The following PCDH15 variants were observed in gnomAD, a reference collection of about 807,000 sequenced individuals.
PCDH15 encodes the protein protocadherin-15.
PCDH15 carries 129 observed loss-of-function variants against 178.5 expected under a neutral mutation model. The observed-to-expected ratio is 0.72, with a 90% CI of 0.63 to 0.84. The LOEUF is 0.84. PCDH15 is among the 40% of genes least tolerant of loss of function. The pLI is 0.00. For synonymous variants in PCDH15, 800 were observed against 732.0 expected (o/e 1.09, Z -1.50); for missense variants, 2,230 against 2,099.9 (o/e 1.06, Z -1.21).
At chr10:54,252,176 G>A (rs184120164) in intron 8 of PCDH15, among the ~76,000 whole-genome samples, 19 of 152,170 alleles carry the variant, frequency 1.2e-4, no homozygotes, top group Admixed American at 1.0e-3. Context: ...TCTTACACTA[G>A]TCTTGGCAAA....
At chr10:53,954,627 C>G (rs1434636113) in intron 23 of PCDH15, among the ~76,000 whole-genome samples, 2 of 152,110 alleles carry the variant, frequency 1.3e-5, no homozygotes, top group Non-Finnish European at 2.9e-5. Context: ...TCTCAGAAAA[C>G]TGGAGAAAGT....
chr10:54,323,763 A>G (rs1296041074), intron 7 of PCDH15, among the ~76,000 whole-genome samples: 2 of 151,640 alleles, frequency 1.3e-5, no homozygotes, highest in Non-Finnish European at 2.9e-5. Context: ...TACTATGCTG[A>G]CCACCTGAGT....
At chr10:54,634,433 ATT>A (rs1021180517) in intron 2 of PCDH15, among the ~76,000 whole-genome samples, 1 of 152,030 alleles carries the variant, frequency 6.6e-6, no homozygotes, top group Non-Finnish European at 1.5e-5. Flanking sequence ...ACTGAATAAT[ATT>A]TTATTCATTT....
intron 2 of PCDH15, chr10:54,605,766 C>T (rs1188150158): frequency 6.6e-6 from 1 of 152,178 alleles, no homozygotes; most frequent in African/African-American, 2.4e-5. Context: ...TTTGCAAGCT[C>T]ATTCAAACCA....
chr10:54,918,202 C>A (rs1210745663), intron 2 of PCDH15, among the ~76,000 whole-genome samples: 3 of 151,978 alleles, frequency 2.0e-5, no homozygotes, highest in Non-Finnish European at 4.4e-5. Context: ...ACTTTTCCAG[C>A]CTTTTCAACT....
At chr10:55,496,565 G>GTC (rs1840538933) in intron 2 of PCDH15, among the ~76,000 whole-genome samples, 1 of 151,780 alleles carries the variant, frequency 6.6e-6, no homozygotes. Flanking sequence ...GCCAGAGAAA[G>GTC]ACTTTACAAA....
At chr10:54,193,054 G>T (rs1446124968) in intron 11 of PCDH15, among the ~76,000 whole-genome samples, 3 of 152,116 alleles carry the variant, frequency 2.0e-5, no homozygotes, top group African/African-American at 7.2e-5. Context: ...AGCCCAAACT[G>T]CCAAAAACAC....
rs1474932171 is a variant in PCDH15, at chr10:54,527,873, G to A, written c.96C>T (p.Cys32=). ...CTGGTGGTCCTCCCCTAGCTAGTTT[G>A]CAATCTAAAGAGAGAAAATAACCAA... ...EICLGQYDDD[C]KLARGGPPAT... Residue 32 remains cysteine, a synonymous_variant, in exon 3 of 38, where the codon TGC becomes TGT. Coordinates refer to ENST00000644397, the MANE Select transcript of PCDH15 (RefSeq NM_001384140.1). 1 of 1,610,908 alleles carries A rather than the reference G, an allele frequency of 6.2e-7. No individual in the cohort carries two copies. Among genetic ancestry groups the A allele is most frequent in the Admixed American group, 1.7e-5 (1 of 59,930 alleles).
intron 13 of PCDH15, among the ~76,000 whole-genome samples, chr10:54,166,846 A>C (rs1482959373): frequency 1.3e-5 from 2 of 152,116 alleles, no homozygotes; most frequent in Admixed American, 6.5e-5. Flanking sequence ...TCCTTGCCTT[A>C]AGTGATGACA....
chr10:54,041,799 A>C (rs2093553088), intron 18 of PCDH15, among the ~76,000 whole-genome samples: 1 of 152,094 alleles, frequency 6.6e-6, no homozygotes, highest in Non-Finnish European at 1.5e-5. Flanking sequence ...TTTAGTTTTC[A>C]CACTGTCAGG....
intron 2 of PCDH15, among the ~76,000 whole-genome samples, chr10:54,951,063 T>C (rs1838325584): frequency 6.6e-6 from 1 of 151,956 alleles, no homozygotes; most frequent in South Asian, 2.1e-4. Flanking sequence ...TGAGCCAATA[T>C]TGACTTATTA....
chr10:53,843,654 A>G (rs1186607385), intron 28 of PCDH15, among the ~76,000 whole-genome samples: 3 of 151,966 alleles, frequency 2.0e-5, no homozygotes, highest in Non-Finnish European at 2.9e-5. Context: ...TTTTTAAAAA[A>G]TCTCCTTAAC....
At chr10:55,582,974 T>A (rs375800770) in intron 2 of PCDH15, among the ~76,000 whole-genome samples, 2 of 152,262 alleles carry the variant, frequency 1.3e-5, no homozygotes, top group South Asian at 4.1e-4. Context: ...GTTATCATGA[T>A]GAAATTGTCA....
chr10:55,445,948 G>A (rs1372170519), intron 2 of PCDH15, among the ~76,000 whole-genome samples: 1 of 152,108 alleles, frequency 6.6e-6, no homozygotes, highest in Non-Finnish European at 1.5e-5. Context: ...GATGAGAGTG[G>A]TAAGTGGGGA....
chr10:54,135,182 G>A lies in PCDH15; in HGVS notation c.1785-2175C>T, dbSNP rs866060468. Among the ~76,000 whole-genome samples the A allele has an allele frequency of 1.0e-3, 152 of 147,018 alleles. No homozygotes were observed. In the Middle Eastern group the frequency reaches 0.024, roughly 23 times the overall value. ...CGTGCCATTGCACTCCAGCCTGGGT[G>A]ACAGGGCGAGACTCTGTCTCAAAAA... On this transcript the variant is annotated intron_variant, in intron 14 of 37. Transcript: ENST00000644397.
intron 2 of PCDH15, among the ~76,000 whole-genome samples, chr10:54,541,668 G>T (rs2085247416): frequency 6.7e-6 from 1 of 150,262 alleles, no homozygotes; most frequent in African/African-American, 2.4e-5. Flanking sequence ...AAAGGAAAAG[G>T]ATAATATTTG....
chr10:55,396,962 A>G (rs972150697), intron 2 of PCDH15, among the ~76,000 whole-genome samples: 1 of 152,164 alleles, frequency 6.6e-6, no homozygotes, highest in Non-Finnish European at 1.5e-5. Context: ...GCTGGCACTG[A>G]AAAAGGTCAC....
intron 18 of PCDH15, among the ~76,000 whole-genome samples, chr10:54,043,133 A>AT (rs1235929386): frequency 6.6e-6 from 1 of 152,144 alleles, no homozygotes; most frequent in Non-Finnish European, 1.5e-5. Flanking sequence ...GTTTAATGCC[A>AT]TATCTGTATA....
chr10:53,818,142 A>G (rs2076131377), intron 33 of PCDH15, 129 bp from the exon 34 acceptor site: 3 of 390,036 alleles, frequency 7.7e-6, no homozygotes, highest in Non-Finnish European at 1.4e-5. Flanking sequence ...ACTAAACACT[A>G]TCTCAGTGGG....
Sources: gnomAD v4.1 joint callset for allele counts (sites outside exome capture counted in the v4.1 genomes callset) on GRCh38, gnomAD v4.1.1 for gene constraint, MANE v1.5 for transcripts, NCBI Gene and HGNC (gene_info 2026-07-23, HGNC 2026-07-21) for gene names.